SNTG2: variants seen among roughly 807,000 people sequenced by gnomAD.
SNTG2 encodes syntrophin gamma 2, also known as gamma-2-syntrophin.
Under a neutral mutation model 70.9 loss-of-function variants are expected in SNTG2, and 74 were observed. The observed-to-expected ratio is 1.04, with a 90% CI of 0.86 to 1.27. The LOEUF is 1.27. SNTG2 is among the 50% of genes most tolerant of loss of function. The pLI is 0.00. For missense variants in SNTG2, 717 were observed against 690.7 expected (o/e 1.04, Z -0.43); for synonymous variants, 278 against 273.8 (o/e 1.02, Z -0.15).
rs587661521 is a variant in SNTG2 at position 1,223,320 on chromosome 2, A to G, written c.719+14090A>G. Reference sequence around the variant, plus strand: ...GCTGCTGGAGGTGCTGGATCGCTGTAGAGGAAGGCGGCGCAGTGATGGAGG... The same window carrying G: ...GCTGCTGGAGGTGCTGGATCGCTGTGGAGGAAGGCGGCGCAGTGATGGAGG... On this transcript the variant is annotated intron_variant, in intron 9 of 16. Coordinates refer to ENST00000308624, the MANE Select transcript of SNTG2 (RefSeq NM_018968.4). Among the ~76,000 whole-genome samples the G allele has an allele frequency of 1.6e-3, 249 of 151,708 alleles. 1 individual carries two copies. Among genetic ancestry groups the G allele is most frequent in the Non-Finnish European group, 2.8e-3 (189 of 67,870 alleles).
At chr2:1,196,948 T>C (rs954709825) in intron 8 of SNTG2, among the ~76,000 whole-genome samples, 3 of 151,998 alleles carry the variant, frequency 2.0e-5, no homozygotes, top group African/African-American at 7.2e-5. Context: ...TTAAAACTCA[T>C]TGGTAGAGCA....
rs1675111373 is a variant in SNTG2 at position 1,222,037 on chromosome 2, G to GTCTCTGTCTC, written c.719+12812_719+12813insGTCTCTCTCT. ...TCTCTCTCTGTCTCTGCCTATCTCTGTCTCTCTCTGTCTCTCTCTGTCTCT... is the reference window on the plus strand; with the variant it reads ...TCTCTCTCTGTCTCTGCCTATCTCTGTCTCTGTCTCTCTCTCTCTGTCTCTCTCTGTCTCT... On this transcript the variant is annotated intron_variant, in intron 9 of 16. Transcript: ENST00000308624. Among the ~76,000 whole-genome samples the GTCTCTGTCTC allele has an allele frequency of 4.3e-3, 17 of 3,980 alleles. 3 individuals carry two copies. The highest frequency in any genetic ancestry group is 7.6e-3 in the Non-Finnish European group (16 of 2,104). The allele number at this position is 3,980 out of a possible 152,430, so 2.6% of individuals were successfully genotyped here. A position where few individuals can be genotyped will look rare whatever the true frequency, so the allele number is the denominator to read the frequency against.
intron 8 of SNTG2, among the ~76,000 whole-genome samples, chr2:1,187,367 C>G (rs1672311482): frequency 1.3e-5 from 2 of 152,042 alleles, no homozygotes; most frequent in South Asian, 4.2e-4. Context: ...TCTGGGTGGG[C>G]CTCGTCCAAT....
At chr2:1,189,458 T>C (rs1291153053) in intron 8 of SNTG2, among the ~76,000 whole-genome samples, 2 of 152,218 alleles carry the variant, frequency 1.3e-5, no homozygotes. Context: ...TTGTTCTTCT[T>C]GTTCTTCCAG....
In SNTG2 at chr2:1,367,562, T is replaced by G; in HGVS notation, c.*88T>G. The G allele has an allele frequency of 6.8e-7, 1 of 1,460,756 alleles. No homozygotes were observed. The highest frequency in any genetic ancestry group is 1.3e-5 in the South Asian group (1 of 74,962). 90.5% of individuals were successfully genotyped at this position (1,460,756 alleles called of 1,614,324 possible). A position where few individuals can be genotyped will look rare whatever the true frequency, so the allele number is the denominator to read the frequency against. Reference sequence around the variant, plus strand: ...AGAATATTGCAACTTTGTGTTGTTTTATGATGAGCCTATAGTTGTGATACC... The same window carrying G: ...AGAATATTGCAACTTTGTGTTGTTTGATGATGAGCCTATAGTTGTGATACC... On this transcript the variant is annotated 3_prime_UTR_variant, in exon 17 of 17. Transcript: ENST00000308624.
At chr2:1,071,586 G>A (rs1362728472) in intron 1 of SNTG2, among the ~76,000 whole-genome samples, 2 of 151,404 alleles carry the variant, frequency 1.3e-5, no homozygotes, top group East Asian at 3.9e-4. Flanking sequence ...CACCAGCACG[G>A]CACATGTATA....
At chr2:1,051,907 A>C (rs1662098855) in intron 1 of SNTG2, among the ~76,000 whole-genome samples, 1 of 151,850 alleles carries the variant, frequency 6.6e-6, no homozygotes, top group Non-Finnish European at 1.5e-5. Flanking sequence ...ATTTTATTAC[A>C]CAACATTAGA....
chr2:983,084 T>C (rs567067481), intron 1 of SNTG2, among the ~76,000 whole-genome samples: 9 of 144,710 alleles, frequency 6.2e-5, no homozygotes, highest in South Asian at 2.2e-4. Flanking sequence ...AGGTGGAGGT[T>C]GGGATGAAGC....
chr2:1,031,528 A>ATTTTTTTTTTTTTT (rs745388505), intron 1 of SNTG2, among the ~76,000 whole-genome samples: 2 of 59,122 alleles, frequency 3.4e-5, no homozygotes, highest in South Asian at 5.8e-4. Context: ...ATATATATAT[A>ATTTTTTTTTTTTTT]TTTTTTTTTT....
intron 1 of SNTG2, among the ~76,000 whole-genome samples, chr2:1,055,198 C>T (rs770561492): frequency 6.6e-6 from 1 of 152,222 alleles, no homozygotes; most frequent in Non-Finnish European, 1.5e-5. Context: ...TCATGGGCAG[C>T]GAAACAGGGG....
intron 12 of SNTG2, among the ~76,000 whole-genome samples, chr2:1,254,631 C>T (rs1256421417): frequency 2.6e-5 from 4 of 152,186 alleles, no homozygotes; most frequent in South Asian, 4.1e-4. Context: ...TCTGGGGCCA[C>T]ATATTCATTG....
intron 8 of SNTG2, among the ~76,000 whole-genome samples, chr2:1,175,509 G>C (rs77101653): frequency 6.6e-6 from 1 of 152,132 alleles, no homozygotes; most frequent in Non-Finnish European, 1.5e-5. Context: ...ATTTACTGGG[G>C]AGAATCAAAC....
intron 6 of SNTG2, among the ~76,000 whole-genome samples, chr2:1,139,540 CA>C (rs1198488138): frequency 2.0e-5 from 3 of 152,128 alleles, no homozygotes; most frequent in Non-Finnish European, 2.9e-5. Flanking sequence ...TCGGCCACAA[CA>C]AATTTTTGCA....
chr2:1,227,373 G>A (rs1329237913), intron 9 of SNTG2, among the ~76,000 whole-genome samples: 4 of 152,244 alleles, frequency 2.6e-5, no homozygotes, highest in Non-Finnish European at 4.4e-5. Context: ...GCTATGCCGA[G>A]GCCACGGATG....
chr2:1,366,467 C>A (rs577348303), intron 16 of SNTG2, among the ~76,000 whole-genome samples: 4 of 152,236 alleles, frequency 2.6e-5, no homozygotes, highest in East Asian at 1.9e-4. Context: ...GAAGATGAAC[C>A]TTTTGTGGGT....
At chr2:1,229,869 G>C (rs768664144) in intron 9 of SNTG2, among the ~76,000 whole-genome samples, 1 of 152,212 alleles carries the variant, frequency 6.6e-6, no homozygotes, top group African/African-American at 2.4e-5. Flanking sequence ...GCCCGAGGCC[G>C]GCAGGGCCGG....
chr2:1,131,017 A>C (rs935703150), intron 4 of SNTG2, among the ~76,000 whole-genome samples: 2 of 152,226 alleles, frequency 1.3e-5, no homozygotes, highest in Non-Finnish European at 2.9e-5. Context: ...TGTAAATTCA[A>C]GCAATGATTA....
chr2:1,197,684 A>G (rs1226145082), intron 8 of SNTG2, among the ~76,000 whole-genome samples: 2 of 151,634 alleles, frequency 1.3e-5, no homozygotes, highest in African/African-American at 4.8e-5. Context: ...ACAGGCATGC[A>G]TCATCATGCC....
chr2:998,313 G>A (rs1056121587), intron 1 of SNTG2, among the ~76,000 whole-genome samples: 9 of 151,888 alleles, frequency 5.9e-5, no homozygotes, highest in African/African-American at 1.9e-4. Context: ...TGAAAACATG[G>A]AAATACAGAT....
Sources: gnomAD v4.1 joint callset for allele counts (sites outside exome capture counted in the v4.1 genomes callset) on GRCh38, gnomAD v4.1.1 for gene constraint, MANE v1.5 for transcripts, NCBI Gene and HGNC (gene_info 2026-07-23, HGNC 2026-07-21) for gene names.